CNGA1: variants seen among roughly 807,000 people sequenced by gnomAD.
CNGA1 encodes cyclic nucleotide-gated channel alpha-1.
Under a neutral mutation model 69.7 loss-of-function variants are expected in CNGA1, and 53 were observed. The ratio of observed to expected loss-of-function variants is 0.76; its 90% CI spans 0.61 to 0.96. CNGA1 has a LOEUF of 0.96. Ranked by LOEUF, CNGA1 falls within the 40% of genes least tolerant of loss-of-function variation. The pLI, the probability that CNGA1 is intolerant of heterozygous loss-of-function variation, is 0.00. For missense variants in CNGA1, 739 were observed against 811.2 expected (o/e 0.91, Z 1.08); for synonymous variants, 249 against 283.5 (o/e 0.88, Z 1.22).
At chr4:48,013,344 C>G (rs1179834913) in intron 1 of CNGA1, among the ~76,000 whole-genome samples, 1 of 152,208 alleles carries the variant, frequency 6.6e-6, no homozygotes, top group Non-Finnish European at 1.5e-5. Context: ...AACCCCATGA[C>G]ACAGCCTCAG....
At chr4:48,007,293 G>C (rs987077148) in intron 2 of CNGA1, among the ~76,000 whole-genome samples, 8 of 152,120 alleles carry the variant, frequency 5.3e-5, no homozygotes, top group African/African-American at 1.9e-4. Context: ...TGACACAGCG[G>C]TCCATATGCT....
chr4:48,006,755 G>A (rs1714937003), intron 2 of CNGA1, among the ~76,000 whole-genome samples: 1 of 152,038 alleles, frequency 6.6e-6, no homozygotes, highest in Admixed American at 6.6e-5. Flanking sequence ...CCCAGTAGTT[G>A]TGATTACAGG....
rs1371928519 is a variant in CNGA1, at chr4:47,937,253, A to G, written c.1229T>C (p.Ile410Thr). The G allele has an allele frequency of 1.2e-6, 2 of 1,614,088 alleles. No individual in the cohort carries two copies. Among genetic ancestry groups the G allele is most frequent in the East Asian group, 4.5e-5 (2 of 44,886 alleles). Residue 410 changes from isoleucine (I) to threonine (T), a missense_variant, in exon 11 of 11, where the codon ATT becomes ACT. Ile to Thr is a moderately conservative substitution (Grantham distance 89). Coordinates refer to ENST00000514170, the MANE Select transcript of CNGA1 (RefSeq NM_001379270.1). ...ATGCATATATTGCTTGATAGCATCA[A>G]TTCTTGCTTGAAATTCTGCTCTGGC... ...NAARAEFQAR[I>T]DAIKQYMHFR...
chr4:47,999,386 A>C (rs1714560001), intron 2 of CNGA1, among the ~76,000 whole-genome samples: 3 of 152,238 alleles, frequency 2.0e-5, no homozygotes, highest in Admixed American at 6.5e-5. Context: ...ATAAAGGATC[A>C]AACTAATTTG....
intron 2 of CNGA1, among the ~76,000 whole-genome samples, chr4:47,994,055 C>T (rs575812524): frequency 3.0e-4 from 46 of 152,120 alleles, no homozygotes; most frequent in African/African-American, 1.1e-3. Context: ...GATATAATTT[C>T]AATTTTCTTA....
At chr4:48,008,748 T>C (rs957368875) in intron 2 of CNGA1, among the ~76,000 whole-genome samples, 1 of 152,210 alleles carries the variant, frequency 6.6e-6, no homozygotes, top group Admixed American at 6.5e-5. Context: ...ACTGACTCCA[T>C]CTTGCTTCTA....
At chr4:47,957,158 A>T (rs1019863130) in intron 3 of CNGA1, among the ~76,000 whole-genome samples, 4 of 151,688 alleles carry the variant, frequency 2.6e-5, no homozygotes, top group Admixed American at 6.6e-5. Context: ...CTGGTCTCGA[A>T]CTCCTGACCT....
chr4:47,988,789 C>T (rs975066363), intron 2 of CNGA1, among the ~76,000 whole-genome samples: 1 of 151,730 alleles, frequency 6.6e-6, no homozygotes, highest in Non-Finnish European at 1.5e-5. Flanking sequence ...TTATTTAGTA[C>T]CTATTAACTC....
At chr4:47,980,398 G>T (rs1741634035) in intron 3 of CNGA1, among the ~76,000 whole-genome samples, 1 of 151,726 alleles carries the variant, frequency 6.6e-6, no homozygotes, top group Admixed American at 6.6e-5. Flanking sequence ...ATTACATGAT[G>T]AATGCAGTAC....
Position 48,014,024 on chromosome 4 carries a change from G to T in CNGA1, c.-223+2459C>A, listed in dbSNP as rs990697849. Among the ~76,000 whole-genome samples, 59 of 152,134 alleles carry T rather than the reference G, an allele frequency of 3.9e-4. 1 individual carries two copies. Among genetic ancestry groups the T allele is most frequent in the Non-Finnish European group, 7.4e-5 (5 of 68,026 alleles). ...GGCTCTACTAATCATTATTTATTTT[G>T]ACCATCACCCCTGGGTCTAAGTGTC... On this transcript the variant is annotated intron_variant, in intron 1 of 10. Coordinates refer to ENST00000514170, the MANE Select transcript of CNGA1 (RefSeq NM_001379270.1).
At chr4:48,007,434 C>T (rs919994992) in intron 2 of CNGA1, among the ~76,000 whole-genome samples, 4 of 152,144 alleles carry the variant, frequency 2.6e-5, no homozygotes, top group Non-Finnish European at 4.4e-5. Flanking sequence ...GAATTTGAGG[C>T]GTTGAATGGC....
At chr4:47,965,584 G>T (rs1346041514) in intron 3 of CNGA1, among the ~76,000 whole-genome samples, 3 of 151,850 alleles carry the variant, frequency 2.0e-5, no homozygotes, top group Admixed American at 2.0e-4. Flanking sequence ...CCACCACCAG[G>T]CCCGGCTAAT....
chr4:47,977,286 G>A (rs1234789669), intron 3 of CNGA1, among the ~76,000 whole-genome samples: 1 of 152,172 alleles, frequency 6.6e-6, no homozygotes, highest in Non-Finnish European at 1.5e-5. Context: ...AAAGAGACAG[G>A]AAGGATGATA....
chr4:47,936,410 GC>G lies in CNGA1; in HGVS notation c.*10del. 6.2e-7 allele frequency: 1 copy of G among 1,613,846 alleles called. No homozygotes were observed. Among genetic ancestry groups the G allele is most frequent in the Non-Finnish European group, 8.5e-7 (1 of 1,179,778 alleles). ...TGAGGCATGTCCCTGTTAATGACCA[GC>G]TTTTCGGTTCTATGTAGAGTCGATG... On this transcript the variant is annotated 3_prime_UTR_variant, in exon 11 of 11. Coordinates refer to ENST00000514170, the MANE Select transcript of CNGA1 (RefSeq NM_001379270.1).
chr4:47,965,162 C>T (rs953990313), intron 3 of CNGA1, among the ~76,000 whole-genome samples: 2 of 152,016 alleles, frequency 1.3e-5, no homozygotes, highest in South Asian at 4.1e-4. Flanking sequence ...CCAGTATGGT[C>T]CTTGGCTTTA....
At chr4:47,948,708 T>G (rs1277515627) in intron 6 of CNGA1, among the ~76,000 whole-genome samples, 1 of 152,050 alleles carries the variant, frequency 6.6e-6, no homozygotes, top group African/African-American at 2.4e-5. Context: ...GGAGGGGAGA[T>G]GTATTTGCAC....
chr4:47,956,366 T>C (rs1174146891), intron 3 of CNGA1, among the ~76,000 whole-genome samples: 1 of 152,204 alleles, frequency 6.6e-6, no homozygotes, highest in Non-Finnish European at 1.5e-5. Context: ...CCAGGTGCAG[T>C]GGAAGTGGCT....
chr4:47,984,889 T>C (rs1741918463), intron 2 of CNGA1, among the ~76,000 whole-genome samples: 1 of 152,148 alleles, frequency 6.6e-6, no homozygotes, highest in Non-Finnish European at 1.5e-5. Context: ...GAAGACCTTT[T>C]TGTTTTTACA....
At chr4:47,993,575 C>T in intron 2 of CNGA1, among the ~76,000 whole-genome samples, 1 of 151,918 alleles carries the variant, frequency 6.6e-6, no homozygotes, top group Admixed American at 6.6e-5. Context: ...GATTTTCTCT[C>T]TTCTTTTCTT....
Sources: allele counts gnomAD v4.1 joint callset (sites outside exome capture counted in the v4.1 genomes callset), GRCh38; gene constraint gnomAD v4.1.1; transcripts MANE v1.5; gene names NCBI Gene and HGNC (gene_info 2026-07-23, HGNC 2026-07-21).